The following PRLR variants were observed in gnomAD, a reference collection of about 807,000 sequenced individuals.
PRLR encodes the protein prolactin receptor.
Under a neutral mutation model 40.2 loss-of-function variants are expected in PRLR, and 13 were observed. The ratio of observed to expected loss-of-function variants is 0.32; its 90% CI spans 0.21 to 0.51. The LOEUF (loss-of-function observed/expected upper bound fraction) is 0.51. PRLR is among the 20% of genes least tolerant of loss of function. The probability of loss-of-function intolerance (pLI) is 0.97; values close to 1 mark genes in which losing one functional copy is unlikely to be tolerated. For synonymous variants in PRLR, 269 were observed against 278.7 expected, an observed-to-expected ratio of 0.97 and a Z score of 0.35; for missense variants, 656 against 747.3, an observed-to-expected ratio of 0.88 and a Z score of 1.42.
chr5:35,175,440 G>A (rs1402661784), intron 1 of PRLR, among the ~76,000 whole-genome samples: 1 of 152,178 alleles, frequency 6.6e-6, no homozygotes, highest in African/African-American at 2.4e-5. Flanking sequence ...CCAGTCTCAG[G>A]TATGTCTTTA....
chr5:35,148,022 G>T (rs1479827123), intron 1 of PRLR, among the ~76,000 whole-genome samples: 1 of 151,974 alleles, frequency 6.6e-6, no homozygotes, highest in Non-Finnish European at 1.5e-5. Flanking sequence ...AAAAACAACA[G>T]GGAATTAATC....
At chr5:35,198,585 C>T (rs1001348453) in intron 1 of PRLR, among the ~76,000 whole-genome samples, 1 of 152,196 alleles carries the variant, frequency 6.6e-6, no homozygotes, top group African/African-American at 2.4e-5. Context: ...ATTTAGCAAA[C>T]CGGACATTTA....
chr5:35,150,496 A>C (rs150948703), intron 1 of PRLR, among the ~76,000 whole-genome samples: 3 of 152,354 alleles, frequency 2.0e-5, no homozygotes, highest in African/African-American at 7.2e-5. Context: ...GTGCTGTCAG[A>C]CTAATTATGC....
chr5:35,144,123 C>CAA (rs34642253), intron 1 of PRLR, among the ~76,000 whole-genome samples: 2,068 of 109,006 alleles, frequency 0.019, 57 homozygotes, highest in African/African-American at 0.067. Context: ...AACAAGCTTC[C>CAA]AAAAAAAAAA....
At chr5:35,160,723 C>T (rs1458472877) in intron 1 of PRLR, among the ~76,000 whole-genome samples, 3 of 152,170 alleles carry the variant, frequency 2.0e-5, no homozygotes, top group Non-Finnish European at 4.4e-5. Flanking sequence ...TACCAGATGG[C>T]TTCACCCGGA....
At chr5:35,151,082 C>T (rs1774328782) in intron 1 of PRLR, among the ~76,000 whole-genome samples, 1 of 152,214 alleles carries the variant, frequency 6.6e-6, no homozygotes, top group South Asian at 2.1e-4. Context: ...AACAATATTG[C>T]TATTTACCAA....
intron 7 of PRLR, among the ~76,000 whole-genome samples, chr5:35,069,132 C>T (rs1769587949): frequency 6.6e-6 from 1 of 151,924 alleles, no homozygotes; most frequent in African/African-American, 2.4e-5. Flanking sequence ...TTAATTGATC[C>T]TTAAAGAGGA....
intron 4 of PRLR, 92 bp downstream of exon 4, chr5:35,086,116 G>C: frequency 6.7e-7 from 1 of 1,486,296 alleles, no homozygotes. Flanking sequence ...TGTAAATTCA[G>C]GGATGTGCTG....
chr5:35,133,873 G>A (rs150199606), intron 1 of PRLR, among the ~76,000 whole-genome samples: 24 of 152,262 alleles, frequency 1.6e-4, no homozygotes, highest in Middle Eastern at 3.4e-3. Flanking sequence ...TCAGAAACAG[G>A]CCCTACTGAC....
In PRLR at chr5:35,059,860, G is replaced by T. The variant is rs1401804479; in HGVS notation, c.*5229C>A. The T allele has an allele frequency of 6.6e-6, 1 of 152,068 alleles. No individual in the cohort carries two copies. The highest frequency in any genetic ancestry group is 1.5e-5 in the Non-Finnish European group (1 of 68,032). The allele number at this position is 152,068 out of a possible 1,614,324, so 9.4% of individuals were successfully genotyped here. A position where few individuals can be genotyped will look rare whatever the true frequency, so the allele number is the denominator to read the frequency against. On this transcript the variant is annotated 3_prime_UTR_variant, in exon 10 of 10. Transcript: ENST00000618457. The stretch of plus-strand genomic sequence containing the variant: ...ACTTGGGTTTATTTATTGAGACAAG[G>T]TCTTGCTCTCTCACCCAGGCTGGAG...
intron 2 of PRLR, among the ~76,000 whole-genome samples, chr5:35,093,933 T>A (rs533620556): frequency 6.6e-6 from 1 of 152,350 alleles, no homozygotes; most frequent in South Asian, 2.1e-4. Context: ...ATAGGCTATG[T>A]CATCTAGCCT....
chr5:35,193,025 C>G (rs1775646709), intron 1 of PRLR, among the ~76,000 whole-genome samples: 1 of 152,186 alleles, frequency 6.6e-6, no homozygotes, highest in African/African-American at 2.4e-5. Flanking sequence ...GAGTCTGAGC[C>G]TGGCACATTA....
At chr5:35,092,479 G>A (rs1216255328) in intron 2 of PRLR, among the ~76,000 whole-genome samples, 1 of 152,172 alleles carries the variant, frequency 6.6e-6, no homozygotes, top group Non-Finnish European at 1.5e-5. Flanking sequence ...CTCAGCACTA[G>A]GCACATCTCT....
intron 1 of PRLR, among the ~76,000 whole-genome samples, chr5:35,143,924 CA>C (rs5867268): frequency 0.91 from 137,717 of 150,976 alleles, 62,987 homozygotes; most frequent in South Asian, 0.96. Flanking sequence ...TAAAAAACGA[CA>C]AAAAAAAAAT....
intron 2 of PRLR, among the ~76,000 whole-genome samples, chr5:35,091,892 C>G (rs985947237): frequency 6.6e-6 from 1 of 152,194 alleles, no homozygotes; most frequent in African/African-American, 2.4e-5. Flanking sequence ...TATAATATCC[C>G]TTTATTGAGA....
intron 1 of PRLR, among the ~76,000 whole-genome samples, chr5:35,157,404 T>A (rs537212947): frequency 4.7e-4 from 72 of 152,272 alleles, no homozygotes; most frequent in African/African-American, 1.7e-3. Context: ...TGCTACTGTA[T>A]CCATCCTGAC....
At chr5:35,229,490 T>C (rs939100041) in intron 1 of PRLR, among the ~76,000 whole-genome samples, 1 of 152,138 alleles carries the variant, frequency 6.6e-6, no homozygotes, top group African/African-American at 2.4e-5. Context: ...AGCCCTTGCC[T>C]TCCCCTGCCG....
chr5:35,100,380 T>A (rs1771805451), intron 2 of PRLR, among the ~76,000 whole-genome samples: 1 of 152,162 alleles, frequency 6.6e-6, no homozygotes, highest in Non-Finnish European at 1.5e-5. Flanking sequence ...ACTCATTCAC[T>A]GACTCACCCA....
At position 35,055,765 on chromosome 5, in the gene PRLR, T is replaced by C. The variant is rs1768677707; in HGVS notation, c.*9324A>G. ...ACATTACTACCATTGCAAAAGCATT[T>C]GCTCTGAAAAGGGACTGAAAAATGC... is the stretch of plus-strand genomic sequence containing the variant. On this transcript the variant is annotated 3_prime_UTR_variant, in exon 10 of 10. Coordinates refer to ENST00000618457, the MANE Select transcript of PRLR (RefSeq NM_000949.7). 1 of 152,196 alleles carries C rather than the reference T, an allele frequency of 6.6e-6. No homozygotes were observed. The allele number at this position is 152,196 out of a possible 1,614,324, so 9.4% of individuals were successfully genotyped here.
Sources: allele counts gnomAD v4.1 joint callset (sites outside exome capture counted in the v4.1 genomes callset), GRCh38; gene constraint gnomAD v4.1.1; transcripts MANE v1.5; gene names NCBI Gene and HGNC (gene_info 2026-07-23, HGNC 2026-07-21).